Variants in FMN1 observed in about 807,000 individuals in gnomAD.
The protein encoded by FMN1 is formin 1, also known as formin-1.
A neutral mutation model predicts 132.4 loss-of-function variants in FMN1; 110 were observed. That is an observed-to-expected ratio of 0.83 (90% CI 0.71 to 0.97). FMN1 has a LOEUF of 0.97. Among genes scored for constraint, FMN1 ranks in the 50% least tolerant of loss-of-function variants. FMN1 has a pLI of 0.00. For synonymous variants in FMN1, 722 were observed against 651.7 expected (o/e 1.11, Z -1.64); for missense variants, 1,792 against 1,705.3 (o/e 1.05, Z -0.90).
At chr15:33,111,978 CAA>C (rs1397322744) in intron 4 of FMN1, among the ~76,000 whole-genome samples, 3 of 152,166 alleles carry the variant, frequency 2.0e-5, no homozygotes, top group Non-Finnish European at 2.9e-5. Flanking sequence ...TAAAAAGACT[CAA>C]GTTACCATTT....
intron 19 of FMN1, among the ~76,000 whole-genome samples, chr15:32,797,945 A>G (rs564458588): frequency 1.6e-4 from 25 of 152,312 alleles, no homozygotes; most frequent in Middle Eastern, 6.8e-3. Context: ...TAAAAGGTAG[A>G]TGCTATAATG....
At chr15:32,899,713 G>C (rs1313605242) in intron 14 of FMN1, 6 of 502,118 alleles carry the variant, frequency 1.2e-5, no homozygotes, top group Non-Finnish European at 1.8e-5. Context: ...CTGAGTAGCA[G>C]TTCAATACCT....
At chr15:33,163,907 T>C (rs1964996322) in intron 3 of FMN1, among the ~76,000 whole-genome samples, 2 of 152,186 alleles carry the variant, frequency 1.3e-5, no homozygotes, top group African/African-American at 4.8e-5. Context: ...CGTAAGCCAC[T>C]GCGCCTGGCC....
At chr15:33,017,421 G>A (rs997147632) in intron 6 of FMN1, among the ~76,000 whole-genome samples, 2 of 93,678 alleles carry the variant, frequency 2.1e-5, no homozygotes, top group African/African-American at 8.1e-5. Flanking sequence ...CGGTGAGAGG[G>A]AACTCTACTT....
At chr15:32,808,374 C>T (rs938616904) in intron 17 of FMN1, among the ~76,000 whole-genome samples, 1 of 152,226 alleles carries the variant, frequency 6.6e-6, no homozygotes, top group Non-Finnish European at 1.5e-5. Flanking sequence ...GATGATGATA[C>T]CTACCCTCCC....
intron 7 of FMN1, among the ~76,000 whole-genome samples, chr15:32,996,690 T>C (rs2033790186): frequency 6.6e-6 from 1 of 152,192 alleles, no homozygotes; most frequent in South Asian, 2.1e-4. Context: ...TACAACAAAT[T>C]GCAGTGAAAT....
chr15:32,987,526 C>T (rs1031512439), intron 7 of FMN1, among the ~76,000 whole-genome samples: 1 of 152,146 alleles, frequency 6.6e-6, no homozygotes, highest in African/African-American at 2.4e-5. Flanking sequence ...ATAACACTAA[C>T]ACAACATATG....
intron 12 of FMN1, among the ~76,000 whole-genome samples, chr15:32,905,586 G>C (rs187971057): frequency 6.6e-6 from 1 of 152,310 alleles, no homozygotes; most frequent in Non-Finnish European, 1.5e-5. Flanking sequence ...CCAAACAGAT[G>C]ACACCTCTGT....
At chr15:32,979,555 CAAA>C (rs66993265) in intron 7 of FMN1, among the ~76,000 whole-genome samples, 7,959 of 56,516 alleles carry the variant, frequency 0.14, 129 homozygotes, top group African/African-American at 0.17. Context: ...GACTCTGTCT[CAAA>C]AAAAAAAAAA....
chr15:33,139,273 A>T (rs1204583466), intron 4 of FMN1, among the ~76,000 whole-genome samples: 1 of 152,210 alleles, frequency 6.6e-6, no homozygotes, highest in Non-Finnish European at 1.5e-5. Flanking sequence ...TTATTGAGGA[A>T]GTTTCAAGGG....
chr15:33,128,125 G>A (rs1450285290), intron 4 of FMN1, among the ~76,000 whole-genome samples: 3 of 152,166 alleles, frequency 2.0e-5, no homozygotes, highest in Non-Finnish European at 2.9e-5. Flanking sequence ...AGACACCATG[G>A]TGATGGGAGC....
In FMN1 at chr15:32,910,510, C is replaced by A; in HGVS notation, c.3252G>T (p.Val1084=). ...QQAIFNVDDS[V]VDLETLAALY... ...AGGCTGCCAGGGTCTCCAGATCAAC[C>A]ACGGAGTCATCCACATTGAAAATGG... The change falls in exon 11 of 21, where the codon GTG becomes GTT. Residue 1084 remains valine (V), a synonymous_variant. Transcript: ENST00000616417. 6.3e-7 allele frequency: 1 copy of A among 1,578,524 alleles called. No homozygotes were observed. The highest frequency in any genetic ancestry group is 2.3e-5 in the East Asian group (1 of 43,166).
chr15:33,162,910 A>G (rs914642446), intron 3 of FMN1, among the ~76,000 whole-genome samples: 3 of 150,818 alleles, frequency 2.0e-5, no homozygotes, highest in Non-Finnish European at 3.0e-5. Flanking sequence ...TGAGGTCAGG[A>G]GATTGAGACC....
chr15:32,907,267 G>A (rs1436095518), intron 12 of FMN1, among the ~76,000 whole-genome samples: 2 of 152,120 alleles, frequency 1.3e-5, no homozygotes, highest in African/African-American at 4.8e-5. Context: ...TGGGAGCCCT[G>A]ATGGTCCCTC....
chr15:33,169,147 T>A (rs1386021680), intron 3 of FMN1, among the ~76,000 whole-genome samples: 1 of 152,126 alleles, frequency 6.6e-6, no homozygotes, highest in African/African-American at 2.4e-5. Flanking sequence ...TTAATTGAGC[T>A]CAATAGAAAG....
intron 9 of FMN1, among the ~76,000 whole-genome samples, chr15:32,945,782 T>A (rs751387623): frequency 6.7e-6 from 1 of 149,618 alleles, no homozygotes; most frequent in Non-Finnish European, 1.5e-5. Context: ...CCAGCAAGAG[T>A]GAGCACCCCT....
At chr15:33,038,210 A>C (rs1249880496) in intron 6 of FMN1, among the ~76,000 whole-genome samples, 2 of 152,274 alleles carry the variant, frequency 1.3e-5, no homozygotes, top group Admixed American at 1.3e-4. Flanking sequence ...CCTGGGCGAC[A>C]GAGTGAGACT....
At chr15:33,191,329 T>C (rs544451164) in intron 2 of FMN1, among the ~76,000 whole-genome samples, 13 of 152,182 alleles carry the variant, frequency 8.5e-5, no homozygotes, top group African/African-American at 1.7e-4. Flanking sequence ...TCGAATAAGA[T>C]GGAACATAAA....
intron 4 of FMN1, among the ~76,000 whole-genome samples, chr15:33,116,684 G>C (rs2039938670): frequency 6.6e-6 from 1 of 152,024 alleles, no homozygotes; most frequent in South Asian, 2.1e-4. Flanking sequence ...TAAAGCAGTT[G>C]TAGAGAGGAA....
Sources: allele counts gnomAD v4.1 joint callset (sites outside exome capture counted in the v4.1 genomes callset), GRCh38; gene constraint gnomAD v4.1.1; transcripts MANE v1.5; gene names NCBI Gene and HGNC (gene_info 2026-07-23, HGNC 2026-07-21).